GPC6: variants seen among roughly 807,000 people sequenced by gnomAD.
GPC6 encodes glypican-6.
A neutral mutation model predicts 55.2 loss-of-function variants in GPC6; 14 were observed. The observed-to-expected ratio is 0.25, with a 90% CI of 0.17 to 0.40. The LOEUF is 0.40. Among genes scored for constraint, GPC6 ranks in the 10% least tolerant of loss-of-function variants. GPC6 has a pLI of 1.00. For missense variants in GPC6, 641 were observed against 708.5 expected (o/e 0.90, Z 1.08); for synonymous variants, 278 against 259.6 (o/e 1.07, Z -0.68).
chr13:93,982,196 C>T (rs183667778), intron 3 of GPC6, among the ~76,000 whole-genome samples: 11 of 152,210 alleles, frequency 7.2e-5, no homozygotes, highest in Non-Finnish European at 1.2e-4. Flanking sequence ...GACTTTCCAA[C>T]AGAGAAAATA....
At chr13:94,125,283 C>G (rs1458097848) in intron 4 of GPC6, among the ~76,000 whole-genome samples, 1 of 152,006 alleles carries the variant, frequency 6.6e-6, no homozygotes, top group Non-Finnish European at 1.5e-5. Flanking sequence ...TGAAACATAT[C>G]ATTTGTATCT....
intron 6 of GPC6, among the ~76,000 whole-genome samples, chr13:94,373,670 T>C (rs1408353065): frequency 6.6e-6 from 1 of 152,124 alleles, no homozygotes; most frequent in African/African-American, 2.4e-5. Context: ...ACTTCCCCAA[T>C]CTAGCAAGGC....
intron 3 of GPC6, among the ~76,000 whole-genome samples, chr13:93,990,697 A>T (rs1881258340): frequency 6.9e-6 from 1 of 144,012 alleles, no homozygotes; most frequent in Admixed American, 7.0e-5. Flanking sequence ...CTCTACAACA[A>T]TTTTTTTTTT....
At chr13:94,317,037 A>G (rs1352893849) in intron 6 of GPC6, among the ~76,000 whole-genome samples, 1 of 152,226 alleles carries the variant, frequency 6.6e-6, no homozygotes, top group Non-Finnish European at 1.5e-5. Flanking sequence ...AACAGCCTTC[A>G]TCGAAGGAGA....
rs969124493 is a variant in GPC6 at position 94,327,223 on chromosome 13, T to A, written c.1152+21100T>A. On this transcript the variant is annotated intron_variant, in intron 6 of 8. Coordinates refer to ENST00000377047, the MANE Select transcript of GPC6 (RefSeq NM_005708.5). Reference sequence around the variant, plus strand: ...GTTCACGTAGCTGTAACGGTTTTACTAGTTGTGTGTTTGTAAAAGTGCTTT... The same window carrying A: ...GTTCACGTAGCTGTAACGGTTTTACAAGTTGTGTGTTTGTAAAAGTGCTTT... Among the ~76,000 whole-genome samples, 5 of 152,208 alleles carry A rather than the reference T, an allele frequency of 3.3e-5. No homozygotes were observed. The South Asian group carries it at 6.2e-4, about 19-fold the overall frequency.
At chr13:94,263,321 C>G (rs1032647624) in intron 4 of GPC6, among the ~76,000 whole-genome samples, 1 of 152,174 alleles carries the variant, frequency 6.6e-6, no homozygotes, top group East Asian at 1.9e-4. Flanking sequence ...AAGTACTGTA[C>G]ATTTGTTTAA....
chr13:93,470,547 T>G (rs997175877), intron 1 of GPC6, among the ~76,000 whole-genome samples: 5 of 152,148 alleles, frequency 3.3e-5, no homozygotes, highest in African/African-American at 4.8e-5. Flanking sequence ...TTTTTTGCAC[T>G]TGTGTGAATG....
rs79063854 is a variant in GPC6, at chr13:94,072,997, G to A, written c.877+45103G>A. On this transcript the variant is annotated intron_variant, in intron 4 of 8. Coordinates refer to ENST00000377047, the MANE Select transcript of GPC6 (RefSeq NM_005708.5). ...AGAGTCCTGAATTGAAAGAATACTG[G>A]GCCCCATTCAAGAAATTGCAGATAG... Among the ~76,000 whole-genome samples, 1,195 of 152,118 alleles carry A rather than the reference G, an allele frequency of 7.9e-3. 16 individuals carry two copies. Among genetic ancestry groups the A allele is most frequent in the African/African-American group, 0.027 (1,104 of 41,490 alleles).
chr13:93,520,559 TGAA>T (rs1881375231), intron 1 of GPC6, among the ~76,000 whole-genome samples: 4 of 151,654 alleles, frequency 2.6e-5, no homozygotes, highest in African/African-American at 7.3e-5. Context: ...AAAAAACACT[TGAA>T]GATTTTTAAG....
At chr13:94,210,423 C>G (rs1249748623) in intron 4 of GPC6, among the ~76,000 whole-genome samples, 1 of 152,124 alleles carries the variant, frequency 6.6e-6, no homozygotes, top group African/African-American at 2.4e-5. Flanking sequence ...TCCGAAAGTG[C>G]TGGGATTACA....
At chr13:94,052,894 T>C (rs2225230) in intron 4 of GPC6, among the ~76,000 whole-genome samples, 117,781 of 151,898 alleles carry the variant, frequency 0.78, 46,328 homozygotes, top group Middle Eastern at 0.9. Context: ...CCCCTTTCTG[T>C]ACTGCCTTTG....
chr13:93,468,107 T>G (rs1318624832), intron 1 of GPC6, among the ~76,000 whole-genome samples: 1 of 152,182 alleles, frequency 6.6e-6, no homozygotes, highest in Non-Finnish European at 1.5e-5. Flanking sequence ...AATTTGGGCT[T>G]TGAATTTTGT....
At position 93,384,109 on chromosome 13, in the gene GPC6, T is replaced by G. The variant is rs372387532; in HGVS notation, c.160+156493T>G. On this transcript the variant is annotated intron_variant, in intron 1 of 8. Transcript: ENST00000377047. ...ACTAATTGAGAAAAATGAAGACAAT[T>G]TGATAATAAAGTTAATTTATGTGAA... Among the ~76,000 whole-genome samples, 14 of 152,236 alleles carry G rather than the reference T, an allele frequency of 9.2e-5. 1 individual carries two copies. The highest frequency in any genetic ancestry group is 2.9e-4 in the African/African-American group (12 of 41,566).
chr13:93,399,412 T>C (rs1220390612), intron 1 of GPC6, among the ~76,000 whole-genome samples: 1 of 152,232 alleles, frequency 6.6e-6, no homozygotes, highest in Admixed American at 6.5e-5. Context: ...GTGCCTAGCA[T>C]ATGGCAAGTA....
intron 4 of GPC6, among the ~76,000 whole-genome samples, chr13:94,111,537 A>G (rs1281852894): frequency 2.7e-5 from 4 of 150,748 alleles, no homozygotes; most frequent in African/African-American, 7.3e-5. Context: ...AAAAAACTCT[A>G]TTTACTCATG....
At chr13:93,943,152 T>C (rs939250686) in intron 3 of GPC6, among the ~76,000 whole-genome samples, 2 of 152,214 alleles carry the variant, frequency 1.3e-5, no homozygotes, top group Non-Finnish European at 2.9e-5. Flanking sequence ...AATCATTAGA[T>C]ACTGTTGCAT....
chr13:93,437,739 G>A (rs943082156), intron 1 of GPC6, among the ~76,000 whole-genome samples: 1 of 152,180 alleles, frequency 6.6e-6, no homozygotes, highest in African/African-American at 2.4e-5. Flanking sequence ...TGAAGAAGCT[G>A]TAGCAAGTTA....
chr13:93,999,482 A>G (rs1881704094), intron 3 of GPC6, among the ~76,000 whole-genome samples: 1 of 152,202 alleles, frequency 6.6e-6, no homozygotes, highest in Non-Finnish European at 1.5e-5. Context: ...TAGTGCCACA[A>G]TAAACATACG....
chr13:94,048,701 G>C (rs9589889), intron 4 of GPC6, among the ~76,000 whole-genome samples: 98,944 of 151,718 alleles, frequency 0.65, 32,839 homozygotes, highest in East Asian at 0.78. Context: ...TGGTCTGGTC[G>C]CAGGAGGCAA....
Sources: allele counts gnomAD v4.1 joint callset (sites outside exome capture counted in the v4.1 genomes callset), GRCh38; gene constraint gnomAD v4.1.1; transcripts MANE v1.5; gene names NCBI Gene and HGNC (gene_info 2026-07-23, HGNC 2026-07-21).